SYNE1: variants seen among roughly 807,000 people sequenced by gnomAD.
SYNE1 encodes the protein nesprin-1.
Under a neutral mutation model 1,111.0 loss-of-function variants are expected in SYNE1, and 616 were observed. The observed-to-expected ratio is 0.55, with a 90% CI of 0.52 to 0.59. The LOEUF (loss-of-function observed/expected upper bound fraction) is 0.59. Among genes scored for constraint, SYNE1 ranks in the 20% least tolerant of loss-of-function variants. The pLI is 0.00. For missense variants in SYNE1, 10,006 were observed against 10,417.0 expected, an observed-to-expected ratio of 0.96 and a Z score of 1.72; for synonymous variants, 3,855 against 3,825.8, an observed-to-expected ratio of 1.01 and a Z score of -0.28.
At chr6:152,320,425 T>A (rs550648867) in intron 84 of SYNE1, among the ~76,000 whole-genome samples, 1 of 152,212 alleles carries the variant, frequency 6.6e-6, no homozygotes, top group Non-Finnish European at 1.5e-5. Flanking sequence ...CTATTTCATG[T>A]AGCAATTTAG....
At chr6:152,143,037 G>A (rs944563908) in intron 138 of SYNE1, among the ~76,000 whole-genome samples, 8 of 152,128 alleles carry the variant, frequency 5.3e-5, no homozygotes, top group Non-Finnish European at 1.0e-4. Context: ...ACTCGAGTAG[G>A]GCAAATAACC....
rs2052484398 is a variant in SYNE1, at chr6:152,124,138, C to T, written c.26154-1462G>A. Among the ~76,000 whole-genome samples the T allele has an allele frequency of 2.6e-5, 4 of 152,228 alleles. No individual in the cohort carries two copies. In the South Asian group the frequency reaches 8.3e-4, roughly 32 times the overall value. ...CAGGAGTTCAAGCCAGCCTGGCCAA[C>T]ATGGTAAAAATACAAAAATTAGTCA... is the stretch of plus-strand genomic sequence containing the variant. On this transcript the variant is annotated intron_variant, in intron 145 of 145. Coordinates refer to ENST00000367255, the MANE Select transcript of SYNE1 (RefSeq NM_182961.4).
intron 3 of SYNE1, among the ~76,000 whole-genome samples, chr6:152,601,325 GGT>G: frequency 6.6e-6 from 1 of 152,244 alleles, no homozygotes; most frequent in Non-Finnish European, 1.5e-5. Flanking sequence ...CTAGGCATAG[GGT>G]TAATTTAATT....
chr6:152,388,572 T>C (rs2154129498), intron 53 of SYNE1, among the ~76,000 whole-genome samples: 1 of 152,310 alleles, frequency 6.6e-6, no homozygotes, highest in East Asian at 1.9e-4. Flanking sequence ...GTGCTGGGAT[T>C]ACAGGCATGA....
chr6:152,336,811 T>C (rs1215001992), intron 76 of SYNE1, 30 bp downstream of exon 76: 1 of 1,609,442 alleles, frequency 6.2e-7, no homozygotes, highest in Admixed American at 1.7e-5. Context: ...TGGCCTCTTT[T>C]ATCTCCCTTG....
At chr6:152,424,009 C>A (rs756444507) in intron 39 of SYNE1, among the ~76,000 whole-genome samples, 3 of 152,188 alleles carry the variant, frequency 2.0e-5, no homozygotes, top group Non-Finnish European at 2.9e-5. Flanking sequence ...TGCCTGAAAT[C>A]GTCTTGTTTG....
chr6:152,344,027 A>G, intron 74 of SYNE1, 54 bp downstream of exon 74: 2 of 1,611,762 alleles, frequency 1.2e-6, no homozygotes, highest in Non-Finnish European at 1.7e-6. Flanking sequence ...ACACATTTTC[A>G]CTGACGCTCT....
At chr6:152,606,972 G>A (rs1236967732) in intron 3 of SYNE1, among the ~76,000 whole-genome samples, 6 of 132,610 alleles carry the variant, frequency 4.5e-5, no homozygotes, top group Admixed American at 1.6e-4. Context: ...GGCATGCCTC[G>A]GTTCTCTTTT....
intron 106 of SYNE1, 135 bp from the exon 107 acceptor site, chr6:152,242,575 T>C (rs2153564483): frequency 1.2e-6 from 1 of 862,374 alleles, no homozygotes; most frequent in Non-Finnish European, 1.9e-6. Flanking sequence ...CTGGAAACGC[T>C]CTACCTGTAG....
At chr6:152,354,628 G>C in intron 67 of SYNE1, 31 bp downstream of exon 67, 1 of 1,610,866 alleles carries the variant, frequency 6.2e-7, no homozygotes, top group Non-Finnish European at 8.5e-7. Context: ...CTGTAGCTTT[G>C]ACAAAGATCA....
chr6:152,534,635 G>A (rs940840368), intron 4 of SYNE1, among the ~76,000 whole-genome samples: 1 of 152,106 alleles, frequency 6.6e-6, no homozygotes, highest in African/African-American at 2.4e-5. Context: ...ATTTGGGGGG[G>A]TGAATTATTG....
At chr6:152,129,090 G>C (rs1338443097) in intron 145 of SYNE1, 1 of 152,280 alleles carries the variant, frequency 6.6e-6, no homozygotes, top group African/African-American at 2.4e-5. Context: ...GTCGTAGTGA[G>C]AATGTGGCTG....
At chr6:152,615,532 T>G (rs1171388385) in intron 3 of SYNE1, among the ~76,000 whole-genome samples, 1 of 152,164 alleles carries the variant, frequency 6.6e-6, no homozygotes, top group South Asian at 2.1e-4. Flanking sequence ...TGCTAAGAAT[T>G]ATTGTTTTGA....
intron 26 of SYNE1, 50 bp downstream of exon 26, chr6:152,450,997 G>T: frequency 1.2e-6 from 2 of 1,612,420 alleles, no homozygotes; most frequent in South Asian, 2.2e-5. Flanking sequence ...ATCCTTTATG[G>T]AACAATGTGA....
intron 126 of SYNE1, among the ~76,000 whole-genome samples, chr6:152,202,521 A>C (rs2075717099): frequency 6.6e-6 from 1 of 152,100 alleles, no homozygotes. Flanking sequence ...TAAGCAGATA[A>C]TGCTCTATGT....
intron 9 of SYNE1, among the ~76,000 whole-genome samples, chr6:152,503,345 A>T (rs1192652511): frequency 6.6e-6 from 1 of 152,202 alleles, no homozygotes; most frequent in Non-Finnish European, 1.5e-5. Flanking sequence ...TGAGCAATCA[A>T]GCACTCTTCG....
intron 3 of SYNE1, among the ~76,000 whole-genome samples, chr6:152,550,148 A>G (rs2099333281): frequency 6.6e-6 from 1 of 152,182 alleles, no homozygotes; most frequent in Non-Finnish European, 1.5e-5. Flanking sequence ...AATATAGTAA[A>G]TCTAAGACTT....
In SYNE1 at chr6:152,242,381, G is replaced by T. The variant is rs752228221; in HGVS notation, c.19752C>A (p.Asn6584Lys). 1 of 1,613,904 alleles carries T rather than the reference G, an allele frequency of 6.2e-7. No homozygotes were observed. Among genetic ancestry groups the T allele is most frequent in the South Asian group, 1.1e-5 (1 of 91,064 alleles). Residue 6584 changes from asparagine (N) to lysine (K), a missense_variant, in exon 107 of 146, where the codon AAC (asparagine) becomes AAA (lysine). By Grantham distance (94) the Asn-to-Lys change is moderately conservative (BLOSUM62 0). Transcript: ENST00000367255. ...TCTCATACTGACTCTTGAGTGTAAG[G>T]TTCTGATTCAGACCACTCCTCCGGG... The part of the protein sequence containing the change: ...IGSRRSGLNQ[N>K]LTLKSQYERA...
intron 45 of SYNE1, among the ~76,000 whole-genome samples, chr6:152,406,800 G>A (rs187590646): frequency 9.1e-4 from 139 of 152,048 alleles, no homozygotes; most frequent in Non-Finnish European, 1.3e-3. Context: ...CCCAGGAGGT[G>A]GAGGTTGCAG....
Sources: gnomAD v4.1 joint callset for allele counts (sites outside exome capture counted in the v4.1 genomes callset) on GRCh38, gnomAD v4.1.1 for gene constraint, MANE v1.5 for transcripts, NCBI Gene and HGNC (gene_info 2026-07-23, HGNC 2026-07-21) for gene names.